Variants in FAM219A observed in about 807,000 individuals in gnomAD.
FAM219A encodes the protein protein FAM219A.
A neutral mutation model predicts 23.4 loss-of-function variants in FAM219A; 7 were observed. The ratio of observed to expected loss-of-function variants is 0.30; its 90% CI spans 0.17 to 0.56. The LOEUF is 0.56. Ranked by LOEUF, FAM219A falls within the 20% of genes least tolerant of loss-of-function variation. The pLI is 0.92. For synonymous variants in FAM219A, 93 were observed against 99.0 expected (o/e 0.94, Z 0.36); for missense variants, 166 against 246.9 (o/e 0.67, Z 2.20).
At chr9:34,414,899 A>G (rs1821943266) in intron 1 of FAM219A, among the ~76,000 whole-genome samples, 1 of 152,218 alleles carries the variant, frequency 6.6e-6, no homozygotes, top group Non-Finnish European at 1.5e-5. Context: ...AGTAGAATGC[A>G]GAAGAGGAAA....
chr9:34,453,892 C>T (rs1040770197), intron 1 of FAM219A, among the ~76,000 whole-genome samples: 3 of 152,238 alleles, frequency 2.0e-5, no homozygotes, highest in Non-Finnish European at 4.4e-5. Context: ...AGAGCCTATC[C>T]CTGTTTCTCA....
intron 1 of FAM219A, among the ~76,000 whole-genome samples, chr9:34,434,983 C>A (rs1822850421): frequency 6.6e-6 from 1 of 152,090 alleles, no homozygotes; most frequent in African/African-American, 2.4e-5. Flanking sequence ...CCACATCTGG[C>A]TAACTTTTTG....
chr9:34,420,485 A>G (rs1822223612), intron 1 of FAM219A, among the ~76,000 whole-genome samples: 1 of 152,184 alleles, frequency 6.6e-6, no homozygotes, highest in South Asian at 2.1e-4. Context: ...CTGCTGATGT[A>G]GTTCCTACCC....
chr9:34,421,009 T>TGAGAGAGAGAGAGAGAGAGAGAGA (rs143749316), intron 1 of FAM219A, among the ~76,000 whole-genome samples: 2 of 86,358 alleles, frequency 2.3e-5, no homozygotes, highest in African/African-American at 5.1e-5. Flanking sequence ...TGTGTGTGTG[T>TGAGAGAGAGAGAGAGAGAGAGAGA]GAGAGAGAGA....
At chr9:34,434,355 T>C (rs10972110) in intron 1 of FAM219A, among the ~76,000 whole-genome samples, 27,575 of 152,052 alleles carry the variant, frequency 0.18, 2,729 homozygotes, top group East Asian at 0.33. Context: ...CAGAAAAGGT[T>C]AAATTCAGAA....
At chr9:34,432,300 A>G (rs575413917) in intron 1 of FAM219A, among the ~76,000 whole-genome samples, 72 of 152,144 alleles carry the variant, frequency 4.7e-4, no homozygotes, top group Non-Finnish European at 9.9e-4. Context: ...TGGCAATTTG[A>G]TTCTCACATC....
intron 1 of FAM219A, chr9:34,406,270 C>G: frequency 1.0e-6 from 1 of 983,952 alleles, no homozygotes; most frequent in South Asian, 4.7e-5. Context: ...CACAGGACTT[C>G]CTTCTCCTAA....
At position 34,399,204 on chromosome 9, in the gene FAM219A, C is replaced by A. The variant is rs1474776209; in HGVS notation, c.*1760G>T. ...TCCACCAGCACATGTGGGGTGTTAG[C>A]ATGAGATGATCCACCTGGGCCTGTG... On this transcript the variant is annotated 3_prime_UTR_variant, in exon 6 of 6. Coordinates refer to ENST00000651358, the MANE Select transcript of FAM219A (RefSeq NM_001184940.2). The A allele has an allele frequency of 6.6e-6, 1 of 152,218 alleles. No individual in the cohort carries two copies. The highest frequency in any genetic ancestry group is 1.5e-5 in the Non-Finnish European group (1 of 68,110). The allele number at this position is 152,218 out of a possible 1,614,324, so 9.4% of individuals were successfully genotyped here.
intron 1 of FAM219A, among the ~76,000 whole-genome samples, chr9:34,426,262 C>G (rs1376994205): frequency 2.0e-5 from 3 of 152,196 alleles, no homozygotes; most frequent in Non-Finnish European, 2.9e-5. Flanking sequence ...GTTGAAACAT[C>G]AGTGATTTTG....
chr9:34,421,007 T>TGAGAGAGAGCGA (rs761212084), intron 1 of FAM219A, among the ~76,000 whole-genome samples: 1 of 76,730 alleles, frequency 1.3e-5, no homozygotes, highest in Non-Finnish European at 2.7e-5. Context: ...TGTGTGTGTG[T>TGAGAGAGAGCGA]GTGAGAGAGA....
rs1075744 is a variant in FAM219A, at chr9:34,444,243, C to G, written c.60+13961G>C. The stretch of plus-strand genomic sequence containing the variant: ...GCCAATGTGGCTACTGGCTTTCCCA[C>G]CAGAGGCAAGTCTGTCCCCAGAGAG... On this transcript the variant is annotated intron_variant, in intron 1 of 5. Coordinates refer to ENST00000651358, the MANE Select transcript of FAM219A (RefSeq NM_001184940.2). Among the ~76,000 whole-genome samples, 209 of 152,312 alleles carry G rather than the reference C, an allele frequency of 1.4e-3. 1 individual carries two copies. The highest frequency in any genetic ancestry group is 4.8e-3 in the African/African-American group (200 of 41,570).
intron 2 of FAM219A, among the ~76,000 whole-genome samples, chr9:34,405,299 A>G (rs2131930241): frequency 6.6e-6 from 1 of 152,304 alleles, no homozygotes; most frequent in African/African-American, 2.4e-5. Context: ...TGCACAGTAA[A>G]CTGACTTTGG....
intron 1 of FAM219A, among the ~76,000 whole-genome samples, chr9:34,437,833 G>A (rs1261933339): frequency 6.6e-6 from 1 of 152,238 alleles, no homozygotes; most frequent in Non-Finnish European, 1.5e-5. Context: ...GGCATTTGAG[G>A]AGCCCTTCAG....
intron 1 of FAM219A, among the ~76,000 whole-genome samples, chr9:34,454,811 A>G (rs926787208): frequency 1.3e-5 from 2 of 152,108 alleles, no homozygotes; most frequent in Non-Finnish European, 2.9e-5. Context: ...AAAAATAAAG[A>G]TGTGCTCCCC....
At chr9:34,418,597 G>A (rs1822125419) in intron 1 of FAM219A, among the ~76,000 whole-genome samples, 2 of 152,196 alleles carry the variant, frequency 1.3e-5, no homozygotes, top group African/African-American at 4.8e-5. Context: ...GGATGCTCCT[G>A]CCTTACATTT....
chr9:34,448,444 T>C (rs1823444190), intron 1 of FAM219A, among the ~76,000 whole-genome samples: 1 of 152,204 alleles, frequency 6.6e-6, no homozygotes, highest in African/African-American at 2.4e-5. Flanking sequence ...AACACAATGC[T>C]CCAGGCAGCA....
At chr9:34,416,258 AGGGGGAGGGAGGGAGG>A (rs1822017536) in intron 1 of FAM219A, among the ~76,000 whole-genome samples, 1 of 77,404 alleles carries the variant, frequency 1.3e-5, no homozygotes, top group Non-Finnish European at 2.5e-5. Context: ...AAAGAAAGAA[AGGGGGAGGGAGGGAGG>A]GAAGGAAGGA....
chr9:34,420,343 A>T (rs867042138), intron 1 of FAM219A, among the ~76,000 whole-genome samples: 1 of 152,224 alleles, frequency 6.6e-6, no homozygotes, highest in East Asian at 1.9e-4. Context: ...TCTCTGACAT[A>T]CAAGATTGGG....
At chr9:34,454,964 C>T (rs1047448070) in intron 1 of FAM219A, among the ~76,000 whole-genome samples, 1 of 152,160 alleles carries the variant, frequency 6.6e-6, no homozygotes, top group Non-Finnish European at 1.5e-5. Flanking sequence ...GATGATGACA[C>T]CAGCGTTGCC....
Sources: gnomAD v4.1 joint callset for allele counts (sites outside exome capture counted in the v4.1 genomes callset) on GRCh38, gnomAD v4.1.1 for gene constraint, MANE v1.5 for transcripts, NCBI Gene and HGNC (gene_info 2026-07-23, HGNC 2026-07-21) for gene names.